Variants in ANKFN1 observed in about 807,000 individuals in gnomAD.
The protein encoded by ANKFN1 is ankyrin repeat and fibronectin type III domain containing 1.
ANKFN1 carries 74 observed loss-of-function variants against 108.7 expected under a neutral mutation model. The ratio of observed to expected loss-of-function variants is 0.68; its 90% confidence interval spans 0.56 to 0.83. ANKFN1 has a LOEUF of 0.83. ANKFN1 is among the 40% of genes least tolerant of loss of function. The probability of loss-of-function intolerance (pLI) is 0.00; values close to 1 mark genes in which losing one functional copy is unlikely to be tolerated. For missense variants in ANKFN1, 1,505 were observed against 1,382.3 expected, an observed-to-expected ratio of 1.09 and a Z score of -1.41; for synonymous variants, 547 against 516.2, an observed-to-expected ratio of 1.06 and a Z score of -0.81.
At chr17:56,091,014 G>T (rs1038925108) in intron 4 of ANKFN1, among the ~76,000 whole-genome samples, 7 of 151,272 alleles carry the variant, frequency 4.6e-5, no homozygotes, top group Non-Finnish European at 8.9e-5. Flanking sequence ...GTGAACAATT[G>T]TTACAAACTA....
At chr17:56,058,606 G>T (rs1453695787) in intron 4 of ANKFN1, among the ~76,000 whole-genome samples, 1 of 123,120 alleles carries the variant, frequency 8.1e-6, no homozygotes. Context: ...CCCCCAAAAG[G>T]CCCTGCTGTG....
intron 3 of ANKFN1, among the ~76,000 whole-genome samples, chr17:56,300,520 C>T (rs890407897): frequency 6.6e-6 from 1 of 152,034 alleles, no homozygotes; most frequent in Non-Finnish European, 1.5e-5. Flanking sequence ...AATTTGATGT[C>T]CCAGAAATCT....
chr17:56,155,747 G>A (rs1909040627), intron 1 of ANKFN1, among the ~76,000 whole-genome samples: 1 of 152,110 alleles, frequency 6.6e-6, no homozygotes, highest in Non-Finnish European at 1.5e-5. Context: ...AGGTTGGAGT[G>A]AGATGACACA....
At chr17:56,153,109 ACT>A (rs969486471), upstream of ANKFN1, among the ~76,000 whole-genome samples, 1 of 151,762 alleles carries the variant, frequency 6.6e-6, no homozygotes, top group South Asian at 2.1e-4. Context: ...TCTCAGTCTC[ACT>A]CTCTCTTTCC....
chr17:56,445,813 G>A (rs892814399), intron 10 of ANKFN1, among the ~76,000 whole-genome samples: 2 of 152,166 alleles, frequency 1.3e-5, no homozygotes, highest in Admixed American at 1.3e-4. Context: ...GACCCAGACA[G>A]GCTTGTCTGA....
chr17:56,457,625 C>T (rs1218025531), intron 13 of ANKFN1, among the ~76,000 whole-genome samples: 1 of 152,206 alleles, frequency 6.6e-6, no homozygotes, highest in Non-Finnish European at 1.5e-5. Flanking sequence ...TGTGTCTCCA[C>T]TGTTCTGAGT....
chr17:56,382,320 C>T (rs1190296653), intron 8 of ANKFN1, among the ~76,000 whole-genome samples: 1 of 152,154 alleles, frequency 6.6e-6, no homozygotes, highest in Non-Finnish European at 1.5e-5. Context: ...AAAAGAGCTC[C>T]TGAAGGAAGC....
intron 4 of ANKFN1, among the ~76,000 whole-genome samples, chr17:56,069,927 C>T (rs934585495): frequency 2.0e-5 from 3 of 152,088 alleles, no homozygotes; most frequent in Non-Finnish European, 2.9e-5. Context: ...CCTTTTGAGA[C>T]CATATAGGGT....
At chr17:56,174,722 A>T (rs1443941181) in intron 1 of ANKFN1, among the ~76,000 whole-genome samples, 1 of 152,108 alleles carries the variant, frequency 6.6e-6, no homozygotes. Flanking sequence ...ACTGACTCCC[A>T]CGTCAGAGAA....
intron 8 of ANKFN1, among the ~76,000 whole-genome samples, chr17:56,384,890 C>T (rs947539927): frequency 9.9e-5 from 15 of 151,742 alleles, no homozygotes; most frequent in African/African-American, 3.6e-4. Context: ...AATGGCCATA[C>T]TGCCCAAGGT....
At chr17:56,368,276 C>CTTTTTTTTATTTTTTT (rs2046714179) in intron 6 of ANKFN1, 1 of 65,416 alleles carries the variant, frequency 1.5e-5, no homozygotes, top group Non-Finnish European at 3.0e-5. Flanking sequence ...TGAAAATGAA[C>CTTTTTTTTATTTTTTT]TTTTTTTTTT....
rs137980868 is a variant in ANKFN1 at position 56,286,489 on chromosome 17, C to T, written c.54-39732C>T. 1.2e-3 allele frequency among the ~76,000 whole-genome samples: 178 copies of T among 152,266 alleles called. 2 individuals are homozygous for T. The highest frequency in any genetic ancestry group is 4.1e-3 in the African/African-American group (171 of 41,556). On this transcript the variant is annotated intron_variant, in intron 3 of 20. Coordinates refer to ENST00000682825, the MANE Select transcript of ANKFN1 (RefSeq NM_001370326.1). The stretch of plus-strand genomic sequence containing the variant: ...CTGGAATAATCTGAAAATTCATTTG[C>T]TCACATGTCTGGAGGTTGATGCTGG...
At chr17:56,154,649 A>G (rs1054611880) in intron 1 of ANKFN1, among the ~76,000 whole-genome samples, 2 of 152,064 alleles carry the variant, frequency 1.3e-5, no homozygotes, top group African/African-American at 4.8e-5. Flanking sequence ...CACCAAAAAA[A>G]AAAAAAAAAA....
chr17:56,491,861 A>T (rs1056405229), intron 18 of ANKFN1, among the ~76,000 whole-genome samples: 2 of 152,154 alleles, frequency 1.3e-5, no homozygotes, highest in Non-Finnish European at 2.9e-5. Flanking sequence ...TTATTTTCCC[A>T]GTATGTGTGT....
At position 56,453,607 on chromosome 17, in the gene ANKFN1, C is replaced by G. The variant is rs2049571860; in HGVS notation, c.1208-3254C>G. The stretch of plus-strand genomic sequence containing the variant: ...TTGCCTTTTACTACCATATTGAGGA[C>G]TCTTCTTATCGCTCTCCAATATTGG... On this transcript the variant is annotated intron_variant, in intron 11 of 20. Transcript: ENST00000682825. Among the ~76,000 whole-genome samples the G allele has an allele frequency of 1.3e-5, 2 of 152,118 alleles. 1 individual carries two copies. Among genetic ancestry groups the G allele is most frequent in the Admixed American group, 1.3e-4 (2 of 15,268 alleles).
chr17:56,303,629 C>G (rs1256432694), intron 3 of ANKFN1, among the ~76,000 whole-genome samples: 1 of 151,290 alleles, frequency 6.6e-6, no homozygotes, highest in Non-Finnish European at 1.5e-5. Context: ...ATAACTGTAG[C>G]TCTACACACA....
intron 4 of ANKFN1, among the ~76,000 whole-genome samples, chr17:56,046,613 G>C (rs961301359): frequency 1.3e-5 from 2 of 152,114 alleles, no homozygotes; most frequent in African/African-American, 4.8e-5. Flanking sequence ...CTGTCCAGAG[G>C]AGCTTTCCCA....
intron 8 of ANKFN1, among the ~76,000 whole-genome samples, chr17:56,406,354 A>C (rs1242029834): frequency 6.6e-6 from 1 of 152,172 alleles, no homozygotes; most frequent in South Asian, 2.1e-4. Context: ...AAATTATTTC[A>C]ATTCTTTCAG....
chr17:56,237,316 A>G (rs1228454951), intron 3 of ANKFN1, among the ~76,000 whole-genome samples: 1 of 152,126 alleles, frequency 6.6e-6, no homozygotes, highest in Non-Finnish European at 1.5e-5. Flanking sequence ...CAATTTTTGG[A>G]ACAGTTTCAG....
Sources: gnomAD v4.1 joint callset for allele counts (sites outside exome capture counted in the v4.1 genomes callset) on GRCh38, gnomAD v4.1.1 for gene constraint, MANE v1.5 for transcripts, NCBI Gene and HGNC (gene_info 2026-07-23, HGNC 2026-07-21) for gene names.